ZNF311: variants seen among roughly 807,000 people sequenced by gnomAD.
The protein encoded by ZNF311 is zinc finger protein zfp31.
A neutral mutation model predicts 22.7 loss-of-function variants in ZNF311; 14 were observed. The ratio of observed to expected loss-of-function variants is 0.62; its 90% CI spans 0.41 to 0.96. The LOEUF (loss-of-function observed/expected upper bound fraction) is 0.96, where lower values mean the gene tolerates loss of function less well. ZNF311 is among the 40% of genes least tolerant of loss of function. ZNF311 has a pLI of 0.00. For missense variants in ZNF311, 731 were observed against 799.0 expected (o/e 0.91, Z 1.03); for synonymous variants, 250 against 275.3 (o/e 0.91, Z 0.91).
Position 29,004,292 on chromosome 6 carries a change from G to A in ZNF311, c.-260-78C>T, listed in dbSNP as rs1448806071. ...AGTCACTGAGAACCTGAGGCACGAA[G>A]TCAAACTGAAAATGTGAACATATCC... On this transcript the variant is annotated intron_variant, in intron 1 of 6. Transcript: ENST00000377179. The A allele has an allele frequency of 3.7e-6, 4 of 1,078,312 alleles. No individual in the cohort carries two copies. In the African/African-American group the frequency reaches 6.4e-5, roughly 17 times the overall value. The allele number at this position is 1,078,312 out of a possible 1,614,324, so 66.8% of individuals were successfully genotyped here. A position where few individuals can be genotyped will look rare whatever the true frequency, so the allele number is the denominator to read the frequency against.
intron 4 of ZNF311, 131 bp from the exon 5 acceptor site, chr6:28,999,744 C>T (rs1371608362): frequency 7.3e-7 from 1 of 1,370,784 alleles, no homozygotes; most frequent in Non-Finnish European, 9.7e-7. Context: ...TGGGTATGTA[C>T]AAATGAGATG....
Position 28,996,428 on chromosome 6 carries a change from C to T in ZNF311, c.574G>A (p.Glu192Lys), listed in dbSNP as rs1779604230. Residue 192 changes from glutamate (E) to lysine (K), a missense_variant, in exon 7 of 7, where the codon GAG becomes AAG. Transcript: ENST00000377179. ...CTTATAGATGTTTCCCATTGATTCT[C>T]TAATTTGACATCCTGAACACAAACT... The part of the protein sequence containing the change: ...REVCVQDVKL[E>K]NQWETSIREK... 6.2e-7 allele frequency: 1 copy of T among 1,610,296 alleles called. No individual in the cohort carries two copies. Among genetic ancestry groups the T allele is most frequent in the Admixed American group, 1.7e-5 (1 of 59,996 alleles).
In ZNF311 at chr6:28,995,725, C is replaced by T. The variant is rs779080825; in HGVS notation, c.1277G>A (p.Arg426Gln). The T allele has an allele frequency of 2.0e-5, 32 of 1,613,594 alleles. No individual in the cohort carries two copies. The highest frequency in any genetic ancestry group is 8.3e-5 in the Admixed American group (5 of 59,994). The stretch of plus-strand genomic sequence containing the variant: ...TTTGTGTTTGCTTAGGTCTGAGCTC[C>T]GACTGAAGGCCCTTCCACACTTGCT... ...ECSKCGRAFS[R>Q]SSDLSKHKRI... Residue 426 changes from arginine to glutamine, a missense_variant, in exon 7 of 7, where the codon CGG becomes CAG. By Grantham distance (43) the Arg-to-Gln change is conservative. Coordinates refer to ENST00000377179, the MANE Select transcript of ZNF311 (RefSeq NM_001382360.1). This position sits in a 1 kb window ranked among gnomAD's most constrained non-coding sequence, Gnocchi z 4.7.
At position 28,999,545 on chromosome 6, in the gene ZNF311, A is replaced by G. The variant is rs571116241; in HGVS notation, c.252T>C (p.Ala84=). The change falls in exon 5 of 7, where the codon GCT becomes GCC. Residue 84 remains alanine (A), a synonymous_variant. Coordinates refer to ENST00000377179, the MANE Select transcript of ZNF311 (RefSeq NM_001382360.1). Reference sequence around the variant, plus strand: ...TCACATCCTTATAGAGATGCCTTTGAGCGTAGGTCAGACACTGCCACTCCC... The same window carrying G: ...TCACATCCTTATAGAGATGCCTTTGGGCGTAGGTCAGACACTGCCACTCCC... The part of the protein sequence containing the change: ...TNREWQCLTY[A]QRHLYKDVML... 1.3e-5 allele frequency: 21 copies of G among 1,613,670 alleles called. No individual in the cohort carries two copies. The East Asian group carries it at 3.6e-4, about 27-fold the overall frequency.
At chr6:28,999,132 G>A (rs1364903725) in intron 5 of ZNF311, among the ~76,000 whole-genome samples, 1 of 150,730 alleles carries the variant, frequency 6.6e-6, no homozygotes, top group Non-Finnish European at 1.5e-5. Flanking sequence ...GAGAATGGGA[G>A]TCTGGTATAG....
In ZNF311 at chr6:28,995,577, C is replaced by T; in HGVS notation, c.1425G>A (p.Glu475=). The T allele has an allele frequency of 6.2e-7, 1 of 1,613,780 alleles. No individual in the cohort carries two copies. The highest frequency in any genetic ancestry group is 1.1e-5 in the South Asian group (1 of 91,090). Residue 475 remains glutamate (E), a synonymous_variant, in exon 7 of 7, where the codon GAG becomes GAA. Transcript: ENST00000377179. This position sits in a 1 kb window ranked among gnomAD's most constrained non-coding sequence, Gnocchi z 4.7. The part of the protein sequence containing the change: ...HTEEKRYRCE[E]CGKAFRHNCK... Reference sequence around the variant, plus strand: ...AGTTATGACGAAAGGCTTTCCCACACTCCTCACACCTGTAACGTTTCTCTT... The same window carrying T: ...AGTTATGACGAAAGGCTTTCCCACATTCCTCACACCTGTAACGTTTCTCTT...
chr6:28,997,661 A>G (rs1041548830), intron 6 of ZNF311, among the ~76,000 whole-genome samples: 17 of 152,180 alleles, frequency 1.1e-4, no homozygotes, highest in African/African-American at 3.9e-4. Flanking sequence ...AAATACTTCA[A>G]TGGCACTCCA....
In ZNF311 at chr6:28,996,355, T is replaced by C; in HGVS notation, c.647A>G (p.Lys216Arg). Reference protein sequence around the residue: ...EKEGSEEVTCKKGKNQKVLSK... With the variant: ...EKEGSEEVTCRKGKNQKVLSK... ...AAGCACTTTCTGGTTCTTTCCTTTT[T>C]TGCAGGTCACTTCCTCAGAGCCTTC... The change falls in exon 7 of 7, where the codon AAA becomes AGA. Residue 216 changes from lysine (K) to arginine (R), a missense_variant. Physicochemically the swap from Lys to Arg is conservative, Grantham distance 26. Transcript: ENST00000377179. 2.5e-6 allele frequency: 4 copies of C among 1,612,386 alleles called. No individual in the cohort carries two copies. The highest frequency in any genetic ancestry group is 2.5e-6 in the Non-Finnish European group (3 of 1,179,996).
intron 6 of ZNF311, 90 bp downstream of exon 6, chr6:28,998,644 T>A: frequency 1.1e-6 from 1 of 889,380 alleles, no homozygotes; most frequent in Non-Finnish European, 1.7e-6. Flanking sequence ...TTCTGGGCCC[T>A]TCGACTGGAT....
chr6:28,999,095 T>TA (rs1178762536), intron 5 of ZNF311, among the ~76,000 whole-genome samples: 13 of 151,618 alleles, frequency 8.6e-5, no homozygotes, highest in African/African-American at 3.1e-4. Context: ...TTTTTTTTTT[T>TA]TTTAATTTTA....
At chr6:29,001,182 G>A (rs1780401834) in intron 3 of ZNF311, among the ~76,000 whole-genome samples, 1 of 152,110 alleles carries the variant, frequency 6.6e-6, no homozygotes, top group Non-Finnish European at 1.5e-5. Context: ...TTTCTTGATA[G>A]TTTATCAACA....
chr6:28,995,147 C>G lies in ZNF311; in HGVS notation c.1855G>C (p.Ala619Pro). Residue 619 changes from alanine (A) to proline (P), a missense_variant, in exon 7 of 7, where the codon GCT becomes CCT. Coordinates refer to ENST00000377179, the MANE Select transcript of ZNF311 (RefSeq NM_001382360.1). This position sits in a 1 kb window ranked among gnomAD's most constrained non-coding sequence, Gnocchi z 4.7. ...KPYECEECGKAFRVSSNLTGH... is the reference protein window; with the variant it reads ...KPYECEECGKPFRVSSNLTGH... Reference sequence around the variant, plus strand: ...GTAAGATTTGAGCTCACTCTAAAAGCTTTTCCACATTCCTCACATTCATAA... The same window carrying G: ...GTAAGATTTGAGCTCACTCTAAAAGGTTTTCCACATTCCTCACATTCATAA... 1 of 1,614,064 alleles carries G rather than the reference C, an allele frequency of 6.2e-7. No individual in the cohort carries two copies. The highest frequency in any genetic ancestry group is 8.5e-7 in the Non-Finnish European group (1 of 1,180,030).
At chr6:29,002,378 CTA>C (rs1173348908) in intron 3 of ZNF311, among the ~76,000 whole-genome samples, 1 of 151,972 alleles carries the variant, frequency 6.6e-6, no homozygotes, top group Non-Finnish European at 1.5e-5. Context: ...AATTTATGTT[CTA>C]TATTATTAAT....
chr6:28,999,670 A>T (rs1242279714), intron 4 of ZNF311, 57 bp from the exon 5 acceptor site: 2 of 1,572,250 alleles, frequency 1.3e-6, no homozygotes, highest in Admixed American at 2.0e-5. Context: ...CTCAGGAAAC[A>T]GAGGCAGAAG....
At chr6:29,005,582 T>G (rs1781090411), upstream of ZNF311, among the ~76,000 whole-genome samples, 1 of 152,120 alleles carries the variant, frequency 6.6e-6, no homozygotes, top group Admixed American at 6.5e-5. Flanking sequence ...CCGCCGGTAC[T>G]CTCCCCAAGA....
In ZNF311 at chr6:28,996,514, G is replaced by C. The variant is rs748475186; in HGVS notation, c.488C>G (p.Ala163Gly). Reference protein sequence around the residue: ...SQQEIFENGEAYWMKFNSLLK... With the variant: ...SQQEIFENGEGYWMKFNSLLK... ...GAGACTGTTAAATTTCATCCAGTAG[G>C]CTTCTCCATTTTCAAAAATCTCTTG... Residue 163 changes from alanine to glycine, a missense_variant, in exon 7 of 7, where the codon GCC becomes GGC. By Grantham distance (60) the Ala-to-Gly change is moderately conservative. Coordinates refer to ENST00000377179, the MANE Select transcript of ZNF311 (RefSeq NM_001382360.1). The C allele has an allele frequency of 6.7e-5, 108 of 1,606,142 alleles. No individual in the cohort carries two copies. The highest frequency in any genetic ancestry group is 8.3e-5 in the Non-Finnish European group (98 of 1,179,866).
intron 3 of ZNF311, 112 bp downstream of exon 3, chr6:29,003,401 G>T: frequency 1.2e-6 from 1 of 866,876 alleles, no homozygotes; most frequent in Non-Finnish European, 1.9e-6. Flanking sequence ...TTCTATAAAT[G>T]CTCATTAATG....
Position 28,995,909 on chromosome 6 carries a change from C to T in ZNF311, c.1093G>A (p.Gly365Arg). 2 of 1,613,916 alleles carry T rather than the reference C, an allele frequency of 1.2e-6. No homozygotes were observed. Among genetic ancestry groups the T allele is most frequent in the Non-Finnish European group, 1.7e-6 (2 of 1,180,004 alleles). ...GEKPYKCNCCGKAFQFKHSLT... is the reference protein window; with the variant it reads ...GEKPYKCNCCRKAFQFKHSLT... ...GAATGCTTAAACTGGAAGGCCTTCC[C>T]ACAGCAGTTACATTTGTAAGGCTTC... Residue 365 changes from glycine to arginine, a missense_variant, in exon 7 of 7, where the codon GGG becomes AGG. By Grantham distance (125) the Gly-to-Arg change is moderately radical. Coordinates refer to ENST00000377179, the MANE Select transcript of ZNF311 (RefSeq NM_001382360.1). This position sits in a 1 kb window ranked among gnomAD's most constrained non-coding sequence, Gnocchi z 4.7.
chr6:29,003,884 T>G, intron 2 of ZNF311, 62 bp downstream of exon 2: 1 of 1,612,866 alleles, frequency 6.2e-7, no homozygotes, highest in South Asian at 1.1e-5. Flanking sequence ...GCTTTCCTTC[T>G]TTCTTGGACT....
Sources: allele counts gnomAD v4.1 joint callset (sites outside exome capture counted in the v4.1 genomes callset), GRCh38; gene constraint gnomAD v4.1.1; non-coding constraint Gnocchi (gnomAD v3.1); transcripts MANE v1.5; gene names NCBI Gene and HGNC (gene_info 2026-07-23, HGNC 2026-07-21).